Variants in REDIC1 observed in about 807,000 individuals in gnomAD.
REDIC1 encodes regulator of DNA class I crossover intermediates 1.
chr12:39,873,745 A>G, the REDIC1 span, among the ~76,000 whole-genome samples: 1 of 152,208 alleles, frequency 6.6e-6, no homozygotes, highest in African/African-American at 2.4e-5. Context: ...GTAGTATAAA[A>G]CAGAATAAGT....
chr12:39,653,534 T>G, the REDIC1 span, among the ~76,000 whole-genome samples: 1 of 53,976 alleles, frequency 1.9e-5, no homozygotes, highest in Non-Finnish European at 5.2e-5. Flanking sequence ...CTTCTTCTTC[T>G]TCTTTTTCTT....
the REDIC1 span, among the ~76,000 whole-genome samples, chr12:39,725,746 TAATA>T: frequency 6.6e-6 from 1 of 151,220 alleles, no homozygotes; most frequent in Non-Finnish European, 1.5e-5. Flanking sequence ...TATATATGTA[TAATA>T]TATATAATAA....
the REDIC1 span, among the ~76,000 whole-genome samples, chr12:39,657,936 G>GT: frequency 1.3e-5 from 2 of 151,460 alleles, no homozygotes; most frequent in Admixed American, 6.6e-5. Context: ...GCGTTTTCTA[G>GT]TTTTTTTAAG....
At chr12:39,722,428 A>G in the REDIC1 span, among the ~76,000 whole-genome samples, 1 of 152,146 alleles carries the variant, frequency 6.6e-6, no homozygotes, top group South Asian at 2.1e-4. Context: ...TTATCCAGAT[A>G]CTAAATGAAA....
chr12:39,697,755 C>G, the REDIC1 span, among the ~76,000 whole-genome samples: 2 of 151,836 alleles, frequency 1.3e-5, no homozygotes, highest in Non-Finnish European at 2.9e-5. Context: ...AATCATACAA[C>G]AGATACACAA....
At chr12:39,786,535 G>C in the REDIC1 span, among the ~76,000 whole-genome samples, 1 of 152,138 alleles carries the variant, frequency 6.6e-6, no homozygotes, top group African/African-American at 2.4e-5. Flanking sequence ...AAGGGAAGAG[G>C]GTTTCAAGGT....
chr12:39,784,159 TTA>T, the REDIC1 span, among the ~76,000 whole-genome samples: 1 of 152,138 alleles, frequency 6.6e-6, no homozygotes, highest in Non-Finnish European at 1.5e-5. Flanking sequence ...CCAAGGTAAT[TTA>T]TAGATTCAAT....
At chr12:39,894,884 GATATGAA>G in the REDIC1 span, among the ~76,000 whole-genome samples, 4 of 152,136 alleles carry the variant, frequency 2.6e-5, no homozygotes, top group African/African-American at 9.7e-5. Context: ...AGAAGAAATG[GATATGAA>G]ACCATCGGAT....
chr12:39,864,570 A>G, the REDIC1 span, among the ~76,000 whole-genome samples: 1 of 151,914 alleles, frequency 6.6e-6, no homozygotes, highest in African/African-American at 2.4e-5. Context: ...AATTCCTTAC[A>G]CTCACACATC....
chr12:39,869,384 G>C, the REDIC1 span, among the ~76,000 whole-genome samples: 2 of 152,206 alleles, frequency 1.3e-5, no homozygotes, highest in Non-Finnish European at 2.9e-5. Flanking sequence ...ACAGGTAAAA[G>C]AGGAGACCTG....
At chr12:39,649,206 A>T in the REDIC1 span, among the ~76,000 whole-genome samples, 3 of 151,904 alleles carry the variant, frequency 2.0e-5, no homozygotes, top group African/African-American at 7.2e-5. Context: ...TGAAAAATAG[A>T]TAATGTCCCT....
At chr12:39,887,674 T>C in the REDIC1 span, among the ~76,000 whole-genome samples, 1 of 152,214 alleles carries the variant, frequency 6.6e-6, no homozygotes, top group African/African-American at 2.4e-5. Context: ...TTAGTTATTC[T>C]AATTCCATGA....
the REDIC1 span, among the ~76,000 whole-genome samples, chr12:39,847,535 G>A: frequency 6.6e-6 from 1 of 152,040 alleles, no homozygotes; most frequent in African/African-American, 2.4e-5. Context: ...TTGCTTCACA[G>A]GAATGCTATG....
At chr12:39,850,419 A>G in the REDIC1 span, among the ~76,000 whole-genome samples, 1 of 152,180 alleles carries the variant, frequency 6.6e-6, no homozygotes, top group African/African-American at 2.4e-5. Context: ...AGTTTGCATA[A>G]GAAAAGAAGA....
the REDIC1 span, among the ~76,000 whole-genome samples, chr12:39,705,573 G>A: frequency 6.6e-6 from 1 of 152,006 alleles, no homozygotes; most frequent in African/African-American, 2.4e-5. Context: ...CAAAATACTA[G>A]CAAACAGGAT....
the REDIC1 span, among the ~76,000 whole-genome samples, chr12:39,711,929 A>G: frequency 1.0e-4 from 13 of 125,836 alleles, no homozygotes; most frequent in Non-Finnish European, 1.9e-4. Flanking sequence ...ATACATGTCT[A>G]TATGTATATA....
At chr12:39,867,695 C>G in the REDIC1 span, among the ~76,000 whole-genome samples, 1 of 152,048 alleles carries the variant, frequency 6.6e-6, no homozygotes. Flanking sequence ...TATTTTGGCC[C>G]ATTTTGGAGG....
chr12:39,646,668 C>A, the REDIC1 span, among the ~76,000 whole-genome samples: 1 of 151,676 alleles, frequency 6.6e-6, no homozygotes, highest in African/African-American at 2.4e-5. Flanking sequence ...ATAAAAATGT[C>A]TGTATCTAGT....
chr12:39,673,007 C>T, the REDIC1 span, among the ~76,000 whole-genome samples: 2 of 152,206 alleles, frequency 1.3e-5, no homozygotes. Context: ...TGAGGGACTC[C>T]AATGTGGCCA....
Sources: allele counts gnomAD v4.1 joint callset (sites outside exome capture counted in the v4.1 genomes callset), GRCh38; gene constraint gnomAD v4.1.1; transcripts MANE v1.5; gene names NCBI Gene and HGNC (gene_info 2026-07-23, HGNC 2026-07-21).